Variants in ELK3 observed in about 807,000 individuals in gnomAD.
The protein encoded by ELK3 is ETS domain-containing protein Elk-3.
In ELK3, 10 loss-of-function variants were observed where a neutral mutation model predicts 28.9. That is an observed-to-expected ratio of 0.35 (90% CI 0.21 to 0.59). The LOEUF is 0.59. Ranked by LOEUF, ELK3 falls within the 20% of genes least tolerant of loss-of-function variation. The pLI is 0.82. For missense variants in ELK3, 463 were observed against 517.3 expected (o/e 0.90, Z 1.02); for synonymous variants, 272 against 243.5 (o/e 1.12, Z -1.09).
intron 3 of ELK3, among the ~76,000 whole-genome samples, chr12:96,248,464 C>T (rs1951876310): frequency 6.6e-6 from 1 of 152,198 alleles, no homozygotes; most frequent in Non-Finnish European, 1.5e-5. Flanking sequence ...CATATTTCTC[C>T]TTCCCCTTGA....
At chr12:96,245,945 A>G (rs896862242) in intron 2 of ELK3, among the ~76,000 whole-genome samples, 1 of 152,200 alleles carries the variant, frequency 6.6e-6, no homozygotes, top group Non-Finnish European at 1.5e-5. Flanking sequence ...CTAGCAACTA[A>G]AAATACTGTC....
At chr12:96,200,354 C>T (rs1284925350) in intron 1 of ELK3, among the ~76,000 whole-genome samples, 2 of 152,024 alleles carry the variant, frequency 1.3e-5, no homozygotes, top group Admixed American at 6.6e-5. Context: ...GTAAAGAAAA[C>T]GAGGCTCTTG....
intron 1 of ELK3, among the ~76,000 whole-genome samples, chr12:96,196,076 GAAGA>G (rs772767835): frequency 5.9e-5 from 9 of 152,284 alleles, no homozygotes; most frequent in Non-Finnish European, 1.0e-4. Context: ...GCTGCTGCAG[GAAGA>G]GAGAGCCCCC....
intron 3 of ELK3, among the ~76,000 whole-genome samples, chr12:96,248,083 G>A (rs895396756): frequency 1.3e-5 from 2 of 152,188 alleles, no homozygotes; most frequent in Non-Finnish European, 2.9e-5. Flanking sequence ...AGGCGCTTGG[G>A]CTTTATGAAA....
At chr12:96,222,760 A>G (rs1201943697) in intron 1 of ELK3, 1 of 152,266 alleles carries the variant, frequency 6.6e-6, no homozygotes, top group Non-Finnish European at 1.5e-5. Context: ...GTTCTTTCTC[A>G]CATTGCTATA....
chr12:96,196,756 T>G lies in ELK3; in HGVS notation c.-3+2051T>G, dbSNP rs1009719576. Among the ~76,000 whole-genome samples, 12 of 151,926 alleles carry G rather than the reference T, an allele frequency of 7.9e-5. No individual in the cohort carries two copies. In the South Asian group the frequency reaches 1.2e-3, roughly 16 times the overall value. On this transcript the variant is annotated intron_variant, in intron 1 of 4. Coordinates refer to ENST00000228741, the MANE Select transcript of ELK3 (RefSeq NM_005230.4). ...TCTGCCCTCTAAAAGTGTTTTTTTTTTTTTTTTTTTTTAATTTAAATGTTG... is the reference window on the plus strand; with the variant it reads ...TCTGCCCTCTAAAAGTGTTTTTTTTGTTTTTTTTTTTTAATTTAAATGTTG...
chr12:96,237,803 A>G (rs1951795213), intron 2 of ELK3, among the ~76,000 whole-genome samples: 3 of 152,216 alleles, frequency 2.0e-5, no homozygotes, highest in Admixed American at 2.0e-4. Flanking sequence ...TAAAAAACAA[A>G]AACAATGTTT....
At position 96,194,685 on chromosome 12, in the gene ELK3, A is replaced by G. The variant is rs908343274; in HGVS notation, c.-23A>G. 6.6e-6 allele frequency: 1 copy of G among 150,986 alleles called. No individual in the cohort carries two copies. The highest frequency in any genetic ancestry group is 1.5e-5 in the Non-Finnish European group (1 of 67,930). The allele number at this position is 150,986 out of a possible 1,614,324, so 9.4% of individuals were successfully genotyped here. On this transcript the variant is annotated 5_prime_UTR_variant, in exon 1 of 5. Coordinates refer to ENST00000228741, the MANE Select transcript of ELK3 (RefSeq NM_005230.4). ...GGGTCCTCCTAGAAATTCCCCCCGA[A>G]GAAGACTCCCCCACATCTGGGTAGG...
chr12:96,224,347 C>T (rs971789538), intron 2 of ELK3, among the ~76,000 whole-genome samples: 1 of 149,848 alleles, frequency 6.7e-6, no homozygotes, highest in Non-Finnish European at 1.5e-5. Context: ...GGAATCCTGT[C>T]TCAGGATTGT....
At chr12:96,206,408 C>T (rs75762677) in intron 1 of ELK3, among the ~76,000 whole-genome samples, 2,715 of 152,162 alleles carry the variant, frequency 0.018, 79 homozygotes, top group African/African-American at 0.063. Flanking sequence ...CTTCCGCCTC[C>T]CAGGTTAAAG....
intron 2 of ELK3, among the ~76,000 whole-genome samples, chr12:96,244,263 C>T (rs1951841537): frequency 6.6e-6 from 1 of 152,056 alleles, no homozygotes; most frequent in African/African-American, 2.4e-5. Flanking sequence ...GGTTGTTCCT[C>T]ATGTTCTTTT....
At chr12:96,195,104 G>A (rs575973959) in intron 1 of ELK3, among the ~76,000 whole-genome samples, 3 of 152,266 alleles carry the variant, frequency 2.0e-5, no homozygotes, top group Non-Finnish European at 4.4e-5. Flanking sequence ...TCGGGTCCCT[G>A]GGAAGAACCG....
At chr12:96,205,482 T>C (rs1226394982) in intron 1 of ELK3, among the ~76,000 whole-genome samples, 2 of 152,162 alleles carry the variant, frequency 1.3e-5, no homozygotes, top group African/African-American at 2.4e-5. Context: ...TCTTTTCTTT[T>C]TTTCTTTTAG....
At chr12:96,215,527 A>G (rs1460854010) in intron 1 of ELK3, among the ~76,000 whole-genome samples, 1 of 152,290 alleles carries the variant, frequency 6.6e-6, no homozygotes, top group African/African-American at 2.4e-5. Context: ...AGAATGATCA[A>G]TATTTCTGTC....
chr12:96,264,044 T>G (rs576163408), intron 4 of ELK3, among the ~76,000 whole-genome samples: 25 of 152,186 alleles, frequency 1.6e-4, no homozygotes, highest in Admixed American at 3.3e-4. Flanking sequence ...TGGCACAATC[T>G]CGGCTCACTG....
At chr12:96,253,369 T>C (rs74955492) in intron 3 of ELK3, among the ~76,000 whole-genome samples, 2,194 of 152,348 alleles carry the variant, frequency 0.014, 41 homozygotes, top group African/African-American at 0.049. Context: ...TGACTCTGCC[T>C]CCTTGTCCCT....
intron 1 of ELK3, among the ~76,000 whole-genome samples, chr12:96,208,334 T>G (rs1264475298): frequency 6.6e-6 from 1 of 152,230 alleles, no homozygotes; most frequent in East Asian, 1.9e-4. Context: ...TTACAGGCGT[T>G]AGCCACTGCA....
In ELK3 at chr12:96,247,221, G is replaced by A. The variant is rs1414884867; in HGVS notation, c.489G>A (p.Thr163=). The A allele has an allele frequency of 1.2e-5, 19 of 1,614,160 alleles. No individual in the cohort carries two copies. The highest frequency in any genetic ancestry group is 1.3e-5 in the African/African-American group (1 of 75,056). Residue 163 remains threonine, a synonymous_variant, in exon 3 of 5, where the codon ACG becomes ACA. Coordinates refer to ENST00000228741, the MANE Select transcript of ELK3 (RefSeq NM_005230.4). This position sits in a 1 kb window ranked among gnomAD's most constrained non-coding sequence, Gnocchi z 5.5. Reference sequence around the variant, plus strand: ...CAGACGCCTTCAAGGCCATCAAGACGGAGAAGCTGGAGGAGCCGCCCGAAG... The same window carrying A: ...CAGACGCCTTCAAGGCCATCAAGACAGAGAAGCTGGAGGAGCCGCCCGAAG... The part of the protein sequence containing the change: ...NPPDAFKAIK[T]EKLEEPPEDS...
At chr12:96,222,014 G>A (rs1030555496) in intron 1 of ELK3, among the ~76,000 whole-genome samples, 3 of 151,772 alleles carry the variant, frequency 2.0e-5, no homozygotes, top group South Asian at 2.1e-4. Flanking sequence ...CCTGCCCCCC[G>A]CCCACCAGGA....
Sources: gnomAD v4.1 joint callset for allele counts (sites outside exome capture counted in the v4.1 genomes callset) on GRCh38, gnomAD v4.1.1 for gene constraint, Gnocchi (gnomAD v3.1) non-coding constraint, MANE v1.5 for transcripts, NCBI Gene and HGNC (gene_info 2026-07-23, HGNC 2026-07-21) for gene names.